Variants in AHCYL2 observed in about 807,000 individuals in gnomAD.
The protein encoded by AHCYL2 is S-adenosylhomocysteine hydrolase-like protein 2.
A neutral mutation model predicts 81.4 loss-of-function variants in AHCYL2; 28 were observed. That is an observed-to-expected ratio of 0.34 (90% CI 0.25 to 0.47). The LOEUF is 0.47. AHCYL2 is among the 20% of genes least tolerant of loss of function. AHCYL2 has a pLI of 1.00. For missense variants in AHCYL2, 551 were observed against 785.1 expected, an observed-to-expected ratio of 0.70 and a Z score of 3.56; for synonymous variants, 272 against 290.2, an observed-to-expected ratio of 0.94 and a Z score of 0.64.
At chr7:129,227,884 C>T (rs1794286159) in intron 1 of AHCYL2, among the ~76,000 whole-genome samples, 1 of 152,206 alleles carries the variant, frequency 6.6e-6, no homozygotes, top group South Asian at 2.1e-4. Flanking sequence ...GGCAAGGATA[C>T]AGCTGGATGA....
chr7:129,339,366 A>C (rs943223301), intron 1 of AHCYL2, among the ~76,000 whole-genome samples: 1 of 152,188 alleles, frequency 6.6e-6, no homozygotes, highest in African/African-American at 2.4e-5. Context: ...TTAGAAATGT[A>C]CCCTATTGAT....
chr7:129,262,695 A>G (rs1795684195), intron 1 of AHCYL2, among the ~76,000 whole-genome samples: 1 of 152,108 alleles, frequency 6.6e-6, no homozygotes, highest in Non-Finnish European at 1.5e-5. Context: ...GGATGGGTAT[A>G]ATGAGGTGTG....
intron 11 of AHCYL2, among the ~76,000 whole-genome samples, chr7:129,410,943 G>GT (rs1278730408): frequency 6.6e-6 from 1 of 152,092 alleles, no homozygotes; most frequent in Non-Finnish European, 1.5e-5. Flanking sequence ...CTCTTTTGTT[G>GT]TTTTAAATAG....
rs537669351 is a variant in AHCYL2 at position 129,255,955 on chromosome 7, CTG to C, written c.363+30520_363+30521del. On this transcript the variant is annotated intron_variant, in intron 1 of 16. Transcript: ENST00000325006. ...CTCCAGCTTGGGTGACAGAGCAAGACTGTGTCTCAAAAAACAAAAAAAAAAAG... is the reference window on the plus strand; with the variant it reads ...CTCCAGCTTGGGTGACAGAGCAAGACTGTCTCAAAAAACAAAAAAAAAAAG... 6.5e-3 allele frequency among the ~76,000 whole-genome samples: 986 copies of C among 151,656 alleles called. 9 individuals carry two copies. The highest frequency in any genetic ancestry group is 0.023 in the African/African-American group (937 of 41,332).
chr7:129,268,513 A>T (rs761665744), intron 1 of AHCYL2, among the ~76,000 whole-genome samples: 1 of 152,014 alleles, frequency 6.6e-6, no homozygotes, highest in Non-Finnish European at 1.5e-5. Context: ...ATACCCGGCT[A>T]ATTTTTGTAT....
At chr7:129,267,272 C>T (rs1408723066) in intron 1 of AHCYL2, among the ~76,000 whole-genome samples, 1 of 29,754 alleles carries the variant, frequency 3.4e-5, no homozygotes. Context: ...TGTGTGTGTA[C>T]ACCCTCCAAC....
At chr7:129,234,545 T>TG (rs1235824990) in intron 1 of AHCYL2, among the ~76,000 whole-genome samples, 6 of 152,176 alleles carry the variant, frequency 3.9e-5, no homozygotes, top group Non-Finnish European at 8.8e-5. Flanking sequence ...CTGGCCAAGA[T>TG]GGGGTCTCTT....
chr7:129,405,024 G>A, intron 7 of AHCYL2, 73 bp from the exon 8 acceptor site: 1 of 916,364 alleles, frequency 1.1e-6, no homozygotes, highest in Non-Finnish European at 1.6e-6. Context: ...ACGTATTTCT[G>A]GGGCCTCCTA....
At chr7:129,235,846 A>G (rs773175310) in intron 1 of AHCYL2, among the ~76,000 whole-genome samples, 2 of 152,072 alleles carry the variant, frequency 1.3e-5, no homozygotes, top group African/African-American at 4.8e-5. Flanking sequence ...TCCTAAGTCT[A>G]TATTGTTGTT....
At chr7:129,318,960 C>G (rs758548617) in intron 1 of AHCYL2, among the ~76,000 whole-genome samples, 1 of 150,872 alleles carries the variant, frequency 6.6e-6, no homozygotes, top group South Asian at 2.1e-4. Context: ...GGTGGCATGG[C>G]AAAAACTACT....
intron 4 of AHCYL2, among the ~76,000 whole-genome samples, chr7:129,396,443 C>T (rs528274996): frequency 1.3e-5 from 2 of 150,048 alleles, no homozygotes; most frequent in African/African-American, 4.9e-5. Context: ...GTTTTTGAGA[C>T]AGAGCTTTGC....
At chr7:129,254,556 T>TGGTA (rs1363286504) in intron 1 of AHCYL2, among the ~76,000 whole-genome samples, 3 of 152,212 alleles carry the variant, frequency 2.0e-5, no homozygotes, top group Non-Finnish European at 4.4e-5. Context: ...TGTACTTGAT[T>TGGTA]GGTACATTGT....
At chr7:129,236,525 G>T (rs1005011017) in intron 1 of AHCYL2, among the ~76,000 whole-genome samples, 1 of 151,982 alleles carries the variant, frequency 6.6e-6, no homozygotes, top group African/African-American at 2.4e-5. Flanking sequence ...GTTTTTTGTA[G>T]AGATGGGGTT....
intron 4 of AHCYL2, among the ~76,000 whole-genome samples, chr7:129,394,312 G>A (rs1158545227): frequency 6.6e-6 from 1 of 151,202 alleles, no homozygotes; most frequent in Non-Finnish European, 1.5e-5. Flanking sequence ...GCCTGGCTCA[G>A]TTCAGTAATT....
Position 129,409,519 on chromosome 7 carries a change from C to A in AHCYL2, c.1339C>A (p.Gln447Lys). The change falls in exon 11 of 17, where the codon CAA (glutamine) becomes AAA (lysine). Residue 447 changes from glutamine (Q) to lysine (K), a missense_variant. Physicochemically the swap from Gln to Lys is moderately conservative, Grantham distance 53 (BLOSUM62 1). This residue lies in a region of AHCYL2 where 316 missense variants were observed against 543.1 expected (regional missense o/e 0.58). Transcript: ENST00000325006. The part of the protein sequence containing the change: ...RLVKLNEVIR[Q>K]VDIVITCTGN... Reference sequence around the variant, plus strand: ...GGTGAAATTAAATGAGGTCATCCGACAAGTGGACATTGTTATTACCTGTAC... The same window carrying A: ...GGTGAAATTAAATGAGGTCATCCGAAAAGTGGACATTGTTATTACCTGTAC... 1.9e-6 allele frequency: 3 copies of A among 1,613,674 alleles called. No homozygotes were observed. The highest frequency in any genetic ancestry group is 2.5e-6 in the Non-Finnish European group (3 of 1,179,774).
chr7:129,392,610 A>G (rs1057299599), intron 4 of AHCYL2, among the ~76,000 whole-genome samples: 1 of 152,204 alleles, frequency 6.6e-6, no homozygotes, highest in African/African-American at 2.4e-5. Context: ...GACCATAGCA[A>G]TCCCCAAATA....
chr7:129,409,554 A>G lies in AHCYL2; in HGVS notation c.1366+8A>G. ...TTGTTATTACCTGTACAGGTATGAT[A>G]ATGACATTTTAAATGGGGTGGCACT... On this transcript the variant is annotated splice_region_variant and intron_variant, in intron 11 of 16. Transcript: ENST00000325006. The G allele has an allele frequency of 6.2e-7, 1 of 1,600,260 alleles. No homozygotes were observed. The highest frequency in any genetic ancestry group is 8.5e-7 in the Non-Finnish European group (1 of 1,170,552).
chr7:129,405,721 T>G (rs1433271106), intron 8 of AHCYL2, 115 bp from the exon 9 acceptor site: 8 of 928,844 alleles, frequency 8.6e-6, no homozygotes, highest in Non-Finnish European at 1.3e-5. Context: ...AAACCAGACT[T>G]TCTTTCAAAA....
chr7:129,375,351 TAATG>T (rs1794629953), intron 1 of AHCYL2, among the ~76,000 whole-genome samples: 1 of 152,130 alleles, frequency 6.6e-6, no homozygotes, highest in South Asian at 2.1e-4. Context: ...CTTACTCCTT[TAATG>T]AAGTCTCTCA....
Sources: gnomAD v4.1 joint callset for allele counts (sites outside exome capture counted in the v4.1 genomes callset) on GRCh38, gnomAD v4.1.1 for gene constraint, gnomAD v4.1.1 regional missense constraint, MANE v1.5 for transcripts, NCBI Gene and HGNC (gene_info 2026-07-23, HGNC 2026-07-21) for gene names.